The following ZNF613 variants were observed in gnomAD, a reference collection of about 807,000 sequenced individuals.
The protein encoded by ZNF613 is zinc finger protein 613.
In ZNF613, 8 loss-of-function variants were observed where a neutral mutation model predicts 14.3. The ratio of observed to expected loss-of-function variants is 0.56; its 90% CI spans 0.33 to 1.01. The LOEUF (loss-of-function observed/expected upper bound fraction) is 1.01. Ranked by LOEUF, ZNF613 falls within the 50% of genes least tolerant of loss-of-function variation. The probability of loss-of-function intolerance (pLI) is 0.03; values close to 1 mark genes in which losing one functional copy is unlikely to be tolerated. For missense variants in ZNF613, 656 were observed against 741.9 expected (o/e 0.88, Z 1.35); for synonymous variants, 228 against 254.5 (o/e 0.90, Z 0.99).
chr19:51,932,131 TC>T (rs1315456430), intron 2 of ZNF613, among the ~76,000 whole-genome samples: 2 of 151,844 alleles, frequency 1.3e-5, no homozygotes, highest in Admixed American at 1.3e-4. Context: ...ATAGATAGCC[TC>T]CAGGAGCCCA....
Position 51,945,887 on chromosome 19 carries a change from A to G in ZNF613, c.*150A>G. The stretch of plus-strand genomic sequence containing the variant: ...CTAATAAGCATATACTCAGAGAAAA[A>G]TAGTATGAAGTGGAGACTGGGAAAT... On this transcript the variant is annotated 3_prime_UTR_variant, in exon 6 of 6. Transcript: ENST00000293471. 1 of 810,024 alleles carries G rather than the reference A, an allele frequency of 1.2e-6. No individual in the cohort carries two copies. The highest frequency in any genetic ancestry group is 1.8e-5 in the South Asian group (1 of 55,320). 50.2% of individuals were successfully genotyped at this position (810,024 alleles called of 1,614,324 possible). A position where few individuals can be genotyped will look rare whatever the true frequency, so the allele number is the denominator to read the frequency against.
chr19:51,938,709 T>C (rs1312803779), intron 3 of ZNF613, among the ~76,000 whole-genome samples: 1 of 140,084 alleles, frequency 7.1e-6, no homozygotes, highest in Non-Finnish European at 1.5e-5. Flanking sequence ...AAAAAGTAAG[T>C]ATATAAATGT....
intron 2 of ZNF613, among the ~76,000 whole-genome samples, chr19:51,934,427 A>T (rs974531000): frequency 2.0e-5 from 3 of 152,138 alleles, no homozygotes; most frequent in African/African-American, 7.2e-5. Context: ...ATCCCTAGGG[A>T]TAACTATTCC....
intron 2 of ZNF613, among the ~76,000 whole-genome samples, chr19:51,934,414 T>G (rs938414672): frequency 1.3e-5 from 2 of 152,146 alleles, no homozygotes; most frequent in Non-Finnish European, 2.9e-5. Context: ...TTTCCTCTCC[T>G]CCATCCCTAG....
intron 3 of ZNF613, among the ~76,000 whole-genome samples, chr19:51,939,117 G>T (rs562276793): frequency 1.7e-4 from 26 of 151,604 alleles, no homozygotes; most frequent in African/African-American, 6.3e-4. Flanking sequence ...TTATTAATCT[G>T]GTCTTTTATA....
chr19:51,931,791 T>C (rs551817585), intron 2 of ZNF613, among the ~76,000 whole-genome samples: 153 of 152,362 alleles, frequency 1.0e-3, no homozygotes, highest in Non-Finnish European at 1.7e-3. Context: ...CAACCAACTA[T>C]GTGCTTTCCG....
intron 2 of ZNF613, among the ~76,000 whole-genome samples, chr19:51,933,862 G>A (rs2085285902): frequency 6.6e-6 from 1 of 152,180 alleles, no homozygotes; most frequent in Non-Finnish European, 1.5e-5. Flanking sequence ...GCAGTGGTGT[G>A]ATCTCAGCTC....
At chr19:51,938,852 T>G (rs1368935333) in intron 3 of ZNF613, among the ~76,000 whole-genome samples, 3 of 151,258 alleles carry the variant, frequency 2.0e-5, no homozygotes, top group African/African-American at 2.4e-5. Flanking sequence ...GTAAGTGCAC[T>G]CTGTGATGGA....
Position 51,944,883 on chromosome 19 carries a change from C to G in ZNF613, c.1000C>G (p.His334Asp), listed in dbSNP as rs1406251594. 1.2e-6 allele frequency: 2 copies of G among 1,613,744 alleles called. No individual in the cohort carries two copies. The highest frequency in any genetic ancestry group is 1.7e-6 in the Non-Finnish European group (2 of 1,179,980). ...AFSKRSRLTE[H>D]QRTHTGEKPY... ...CTCCAAAAGGTCCAGGCTCACTGAA[C>G]ACCAGAGAACTCATACAGGAGAGAA... Residue 334 changes from histidine to aspartate, a missense_variant, in exon 6 of 6, where the codon CAC becomes GAC. Coordinates refer to ENST00000293471, the MANE Select transcript of ZNF613 (RefSeq NM_001031721.4).
In ZNF613 at chr19:51,945,497, G is replaced by T; in HGVS notation, c.1614G>T (p.Glu538Asp). The change falls in exon 6 of 6, where the codon GAG (glutamate) becomes GAT (aspartate). Residue 538 changes from glutamate (E) to aspartate (D), a missense_variant. Coordinates refer to ENST00000293471, the MANE Select transcript of ZNF613 (RefSeq NM_001031721.4). Reference protein sequence around the residue: ...VYHKGMLHAREKCVGSVKLEN... With the variant: ...VYHKGMLHARDKCVGSVKLEN... ...ATAAGGGAATGCTGCATGCAAGAGAGAAATGTGTAGGTTCAGTCAAATTGG... is the reference window on the plus strand; with the variant it reads ...ATAAGGGAATGCTGCATGCAAGAGATAAATGTGTAGGTTCAGTCAAATTGG... 10 of 1,614,196 alleles carry T rather than the reference G, an allele frequency of 6.2e-6. No homozygotes were observed. Among genetic ancestry groups the T allele is most frequent in the African/African-American group, 1.3e-5 (1 of 75,042 alleles).
At chr19:51,929,572 A>G (rs2085247336) in intron 1 of ZNF613, among the ~76,000 whole-genome samples, 160 bp from the exon 2 acceptor site, 1 of 152,206 alleles carries the variant, frequency 6.6e-6, no homozygotes, top group South Asian at 2.1e-4. Context: ...GGTTACAAAA[A>G]CTTTCAAACA....
intron 2 of ZNF613, among the ~76,000 whole-genome samples, chr19:51,932,971 C>T (rs539753027): frequency 2.0e-5 from 3 of 152,238 alleles, no homozygotes; most frequent in East Asian, 3.9e-4. Context: ...TGAGCCACCA[C>T]GCCTGAGTGT....
At chr19:51,940,800 G>T (rs1054639810) in intron 5 of ZNF613, 91 bp downstream of exon 5, 1 of 1,057,800 alleles carries the variant, frequency 9.5e-7, no homozygotes, top group Admixed American at 2.5e-5. Flanking sequence ...GGCATCTGAG[G>T]CTGTGTGGAC....
chr19:51,927,774 T>C (rs1454124438), intron 1 of ZNF613: 1 of 152,812 alleles, frequency 6.5e-6, no homozygotes, highest in Admixed American at 6.6e-5. Flanking sequence ...CGGGTCACTC[T>C]GTAGGGCTCG....
intron 5 of ZNF613, among the ~76,000 whole-genome samples, chr19:51,941,087 G>T (rs551611268): frequency 2.0e-5 from 3 of 152,004 alleles, no homozygotes; most frequent in Non-Finnish European, 4.4e-5. Context: ...CCGCCACTAC[G>T]CCCAGCTAAT....
rs34474633 is a variant in ZNF613, at chr19:51,932,302, CTTTTTTTTTTT to C, written c.-194+2420_-194+2430del. Among the ~76,000 whole-genome samples the C allele has an allele frequency of 1.9e-3, 171 of 90,966 alleles. 1 individual carries two copies. The highest frequency in any genetic ancestry group is 6.6e-3 in the African/African-American group (156 of 23,718). The allele number at this position is 90,966 out of a possible 152,430, so 59.7% of individuals were successfully genotyped here. A position where few individuals can be genotyped will look rare whatever the true frequency, so the allele number is the denominator to read the frequency against. On this transcript the variant is annotated intron_variant, in intron 2 of 5. Transcript: ENST00000293471. The stretch of plus-strand genomic sequence containing the variant: ...CTTTGGCCTTTTCGGCTCCCAACAT[CTTTTTTTTTTT>C]TTTTTTTTTTTTTGAGACAGAGTTT...
In ZNF613 at chr19:51,945,796, C is replaced by A. The variant is rs747701491; in HGVS notation, c.*59C>A. On this transcript the variant is annotated 3_prime_UTR_variant, in exon 6 of 6. Coordinates refer to ENST00000293471, the MANE Select transcript of ZNF613 (RefSeq NM_001031721.4). ...TTCAGTGATCAATTACATCATATGT[C>A]ACAAAAAACACAGAGGAACAAACTG... The A allele has an allele frequency of 6.4e-7, 1 of 1,572,254 alleles. No homozygotes were observed. The highest frequency in any genetic ancestry group is 1.1e-5 in the South Asian group (1 of 88,426).
At chr19:51,939,226 T>C (rs566872968) in intron 3 of ZNF613, among the ~76,000 whole-genome samples, 70 of 152,160 alleles carry the variant, frequency 4.6e-4, no homozygotes, top group African/African-American at 1.1e-3. Flanking sequence ...CTTACACGCC[T>C]GATAACATAA....
chr19:51,936,838 G>A (rs926418840), intron 3 of ZNF613, among the ~76,000 whole-genome samples: 3 of 152,136 alleles, frequency 2.0e-5, no homozygotes. Context: ...GCTTCAGTAT[G>A]GAGGCTGGTT....
Sources: gnomAD v4.1 joint callset for allele counts (sites outside exome capture counted in the v4.1 genomes callset) on GRCh38, gnomAD v4.1.1 for gene constraint, MANE v1.5 for transcripts, NCBI Gene and HGNC (gene_info 2026-07-23, HGNC 2026-07-21) for gene names.